Variants in CSE1L observed in about 807,000 individuals in gnomAD.
CSE1L encodes exportin-2.
Under a neutral mutation model 120.4 loss-of-function variants are expected in CSE1L, and 24 were observed. That is an observed-to-expected ratio of 0.20 (90% CI 0.14 to 0.28). The LOEUF is 0.28. Ranked by LOEUF, CSE1L falls within the 10% of genes least tolerant of loss-of-function variation. The pLI, the probability that CSE1L is intolerant of heterozygous loss-of-function variation, is 1.00. For missense variants in CSE1L, 830 were observed against 1,145.2 expected, an observed-to-expected ratio of 0.72 and a Z score of 3.97; for synonymous variants, 402 against 398.3, an observed-to-expected ratio of 1.01 and a Z score of -0.11.
chr20:49,061,945 C>G (rs2091856574), intron 2 of CSE1L, among the ~76,000 whole-genome samples: 1 of 152,098 alleles, frequency 6.6e-6, no homozygotes, highest in Admixed American at 6.6e-5. Flanking sequence ...TAGACTGACT[C>G]AACTAGACCT....
rs2092094706 is a variant in CSE1L, at chr20:49,090,726, T to C, written c.2182-16T>C. On this transcript the variant is annotated splice_polypyrimidine_tract_variant and intron_variant, in intron 19 of 24. Transcript: ENST00000262982. The stretch of plus-strand genomic sequence containing the variant: ...TTCCTGTTAACCATTTTCTGTTGGA[T>C]CTCATTTCTTAACAGCCTGGGTTAC... 1 of 1,600,034 alleles carries C rather than the reference T, an allele frequency of 6.2e-7. No individual in the cohort carries two copies. Among genetic ancestry groups the C allele is most frequent in the African/African-American group, 1.3e-5 (1 of 74,500 alleles).
intron 22 of CSE1L, 92 bp downstream of exon 22, chr20:49,092,219 T>C (rs2092106939): frequency 1.5e-6 from 1 of 672,904 alleles, no homozygotes; most frequent in Non-Finnish European, 2.5e-6. Context: ...GATGATGATG[T>C]GGTTCTTGGT....
At chr20:49,067,318 T>G in intron 6 of CSE1L, 38 bp downstream of exon 6, 1 of 1,320,454 alleles carries the variant, frequency 7.6e-7, no homozygotes, top group Non-Finnish European at 1.1e-6. Context: ...TAAATTAATA[T>G]TTTAAATTGC....
At chr20:49,062,307 CTCAG>C (rs1393781348) in intron 2 of CSE1L, among the ~76,000 whole-genome samples, 10 of 152,102 alleles carry the variant, frequency 6.6e-5, no homozygotes, top group Admixed American at 1.3e-4. Flanking sequence ...ACTCTTGGGA[CTCAG>C]TCAGAAAGAG....
intron 2 of CSE1L, among the ~76,000 whole-genome samples, chr20:49,059,833 T>C (rs2123672687): frequency 6.6e-6 from 1 of 151,892 alleles, no homozygotes; most frequent in East Asian, 1.9e-4. Flanking sequence ...TGAGTTGAGA[T>C]TGCGCCACTG....
At chr20:49,096,185 T>A (rs1223166339) in intron 24 of CSE1L, 164 bp from the exon 25 acceptor site, 3 of 710,916 alleles carry the variant, frequency 4.2e-6, no homozygotes, top group Non-Finnish European at 7.8e-6. Flanking sequence ...GACCTATTTT[T>A]GAAGGCATAA....
Position 49,058,269 on chromosome 20 carries a change from T to C in CSE1L, c.-11-184T>C, listed in dbSNP as rs559905180. On this transcript the variant is annotated intron_variant, in intron 1 of 24. Coordinates refer to ENST00000262982, the MANE Select transcript of CSE1L (RefSeq NM_001316.4). ...ATCACAAAATTGTCTCACTATTGTT[T>C]TTGGGGGAAAAGGCACATCTCATTT... Among the ~76,000 whole-genome samples, 22 of 152,284 alleles carry C rather than the reference T, an allele frequency of 1.4e-4. No individual in the cohort carries two copies. In the South Asian group the frequency reaches 4.6e-3, roughly 32 times the overall value.
chr20:49,053,147 C>CTTTTTT (rs71184250), intron 1 of CSE1L, among the ~76,000 whole-genome samples: 2 of 122,710 alleles, frequency 1.6e-5, no homozygotes, highest in Non-Finnish European at 3.4e-5. Flanking sequence ...CCCTGTCTCT[C>CTTTTTT]TTTTTTTTTT....
chr20:49,088,232 A>T, intron 17 of CSE1L, 126 bp downstream of exon 17: 1 of 676,970 alleles, frequency 1.5e-6, no homozygotes, highest in South Asian at 1.7e-5. Context: ...ACCAGCCACT[A>T]ATGGACTTTT....
At chr20:49,047,800 T>TC (rs2091731467) in intron 1 of CSE1L, among the ~76,000 whole-genome samples, 1 of 151,954 alleles carries the variant, frequency 6.6e-6, no homozygotes, top group Non-Finnish European at 1.5e-5. Context: ...GATCAGGCTG[T>TC]CTAATCAACC....
At chr20:49,058,991 C>T (rs1395761435) in intron 2 of CSE1L, among the ~76,000 whole-genome samples, 3 of 151,948 alleles carry the variant, frequency 2.0e-5, no homozygotes. Flanking sequence ...ATTAGCCGGG[C>T]GTGGTGGCGG....
intron 13 of CSE1L, among the ~76,000 whole-genome samples, chr20:49,077,423 G>C (rs2091977994): frequency 6.6e-6 from 1 of 152,174 alleles, no homozygotes. Context: ...GCCTGCCAAA[G>C]TGCTGGGATT....
chr20:49,053,103 A>C (rs920359730), intron 1 of CSE1L, among the ~76,000 whole-genome samples: 4 of 149,432 alleles, frequency 2.7e-5, no homozygotes, highest in African/African-American at 9.8e-5. Flanking sequence ...TGAGCTCAGG[A>C]GTTAGAATCC....
intron 14 of CSE1L, among the ~76,000 whole-genome samples, chr20:49,083,647 T>G (rs1012020150): frequency 2.0e-5 from 3 of 152,206 alleles, no homozygotes; most frequent in African/African-American, 7.2e-5. Context: ...TGTTGCTTTT[T>G]GGGGGTGGGA....
intron 7 of CSE1L, among the ~76,000 whole-genome samples, chr20:49,069,671 T>TTTGC (rs2091918002): frequency 6.6e-6 from 1 of 152,216 alleles, no homozygotes; most frequent in African/African-American, 2.4e-5. Context: ...TACTACTATT[T>TTTGC]TTGCTTACAC....
intron 16 of CSE1L, among the ~76,000 whole-genome samples, chr20:49,087,010 C>T (rs1001309423): frequency 6.6e-6 from 1 of 151,966 alleles, no homozygotes; most frequent in Admixed American, 6.6e-5. Context: ...GAGCAGATAG[C>T]TTTCTGTCCT....
intron 15 of CSE1L, among the ~76,000 whole-genome samples, chr20:49,084,551 A>G (rs1198350375): frequency 1.3e-5 from 2 of 152,128 alleles, no homozygotes; most frequent in Non-Finnish European, 2.9e-5. Flanking sequence ...ATACTGTACA[A>G]TAGTAGTAGT....
At position 49,078,551 on chromosome 20, in the gene CSE1L, T is replaced by G. The variant is rs755096091; in HGVS notation, c.1421-10T>G. The G allele has an allele frequency of 6.4e-7, 1 of 1,559,752 alleles. No individual in the cohort carries two copies. Among genetic ancestry groups the G allele is most frequent in the African/African-American group, 1.4e-5 (1 of 72,648 alleles). On this transcript the variant is annotated splice_polypyrimidine_tract_variant and intron_variant, in intron 13 of 24. Coordinates refer to ENST00000262982, the MANE Select transcript of CSE1L (RefSeq NM_001316.4). ...CTTAAGTAACTGTGGCTTTCTGTTTTTTTATATAGTGAATGAATTTCCTGT... is the reference window on the plus strand; with the variant it reads ...CTTAAGTAACTGTGGCTTTCTGTTTGTTTATATAGTGAATGAATTTCCTGT...
At chr20:49,089,872 C>G in intron 19 of CSE1L, 126 bp downstream of exon 19, 1 of 825,832 alleles carries the variant, frequency 1.2e-6, no homozygotes, top group South Asian at 1.8e-5. Context: ...AAGCCCACCA[C>G]TTTGGGAGCC....
Sources: allele counts gnomAD v4.1 joint callset (sites outside exome capture counted in the v4.1 genomes callset), GRCh38; gene constraint gnomAD v4.1.1; transcripts MANE v1.5; gene names NCBI Gene and HGNC (gene_info 2026-07-23, HGNC 2026-07-21).